The following SLIT2 variants were observed in gnomAD, a reference collection of about 807,000 sequenced individuals.
SLIT2 encodes slit guidance ligand 2.
A neutral mutation model predicts 185.7 loss-of-function variants in SLIT2; 41 were observed. That is an observed-to-expected ratio of 0.22 (90% CI 0.17 to 0.29). SLIT2 has a LOEUF of 0.29. Among genes scored for constraint, SLIT2 ranks in the 10% least tolerant of loss-of-function variants. SLIT2 has a pLI of 1.00. For synonymous variants in SLIT2, 693 were observed against 680.2 expected (o/e 1.02, Z -0.29); for missense variants, 1,571 against 1,909.0 (o/e 0.82, Z 3.30).
chr4:20,561,455 G>C (rs1724684962), intron 26 of SLIT2, among the ~76,000 whole-genome samples: 1 of 151,674 alleles, frequency 6.6e-6, no homozygotes, highest in South Asian at 2.1e-4. Context: ...GGGAGCTTTT[G>C]TTCTGTGTCT....
At chr4:20,513,666 A>G (rs1344329737) in intron 11 of SLIT2, among the ~76,000 whole-genome samples, 1 of 152,174 alleles carries the variant, frequency 6.6e-6, no homozygotes, top group Non-Finnish European at 1.5e-5. Flanking sequence ...TATTTATAGT[A>G]TTACATCTAT....
At chr4:20,420,153 A>G (rs1728058228) in intron 4 of SLIT2, among the ~76,000 whole-genome samples, 1 of 152,090 alleles carries the variant, frequency 6.6e-6, no homozygotes, top group Non-Finnish European at 1.5e-5. Flanking sequence ...AACTACCCGA[A>G]CACAACTCCA....
At chr4:20,349,828 G>T (rs1454402880) in intron 4 of SLIT2, among the ~76,000 whole-genome samples, 1 of 152,070 alleles carries the variant, frequency 6.6e-6, no homozygotes, top group Non-Finnish European at 1.5e-5. Context: ...GGATTCCTTT[G>T]GTATCATGGC....
At chr4:20,283,059 A>G (rs1435153989) in intron 4 of SLIT2, among the ~76,000 whole-genome samples, 1 of 152,092 alleles carries the variant, frequency 6.6e-6, no homozygotes, top group Admixed American at 6.6e-5. Context: ...ACTTAGCACC[A>G]CTATTTGCTT....
chr4:20,408,477 G>C (rs1442953136), intron 4 of SLIT2, among the ~76,000 whole-genome samples: 1 of 152,082 alleles, frequency 6.6e-6, no homozygotes, highest in Non-Finnish European at 1.5e-5. Context: ...ACTATGCCCA[G>C]ATCTCAGCCC....
chr4:20,442,972 C>T (rs1331347272), intron 4 of SLIT2, among the ~76,000 whole-genome samples: 1 of 151,960 alleles, frequency 6.6e-6, no homozygotes, highest in Non-Finnish European at 1.5e-5. Flanking sequence ...TTTTTTCCCC[C>T]TTTTGCTAGT....
intron 4 of SLIT2, among the ~76,000 whole-genome samples, chr4:20,323,926 A>T (rs1328574384): frequency 6.6e-6 from 1 of 152,210 alleles, no homozygotes; most frequent in African/African-American, 2.4e-5. Flanking sequence ...ACAATATTTT[A>T]AATTTGGAAG....
At chr4:20,598,463 C>T (rs2148962016) in intron 33 of SLIT2, 68 bp downstream of exon 33, 1 of 1,554,756 alleles carries the variant, frequency 6.4e-7, no homozygotes, top group East Asian at 2.2e-5. Context: ...TCTCCTCTAT[C>T]ATTTTATTAT....
Position 20,524,002 on chromosome 4 carries a change from G to A in SLIT2, c.1275-12G>A, listed in dbSNP as rs1560500135. On this transcript the variant is annotated splice_polypyrimidine_tract_variant and intron_variant, in intron 13 of 36. Coordinates refer to ENST00000504154, the MANE Select transcript of SLIT2 (RefSeq NM_004787.4). The stretch of plus-strand genomic sequence containing the variant: ...AGTCATCTATAAAACTGTTCTGTAT[G>A]TGTTTCCAAAGGCATTTGGCCCAGA... 6.2e-7 allele frequency: 1 copy of A among 1,614,020 alleles called. No homozygotes were observed.
At chr4:20,570,733 A>ATATATG (rs1553842923) in intron 29 of SLIT2, among the ~76,000 whole-genome samples, 4 of 14,298 alleles carry the variant, frequency 2.8e-4, no homozygotes, top group African/African-American at 1.2e-3. Context: ...ATATATATGT[A>ATATATG]TATATATATA....
intron 11 of SLIT2, among the ~76,000 whole-genome samples, chr4:20,514,936 A>G (rs1221922067): frequency 2.6e-5 from 4 of 152,204 alleles, no homozygotes; most frequent in Non-Finnish European, 2.9e-5. Flanking sequence ...CAAGATTTCT[A>G]TAATATTTAG....
chr4:20,385,598 G>A (rs1724872491), intron 4 of SLIT2, among the ~76,000 whole-genome samples: 1 of 152,024 alleles, frequency 6.6e-6, no homozygotes, highest in South Asian at 2.1e-4. Flanking sequence ...TTATTTCATC[G>A]GTGAAATAAA....
chr4:20,478,085 C>A (rs1240193514), intron 5 of SLIT2, among the ~76,000 whole-genome samples: 1 of 152,158 alleles, frequency 6.6e-6, no homozygotes. Context: ...CATATACAGA[C>A]AAATGAAGGT....
At chr4:20,531,650 C>T (rs569921311) in intron 16 of SLIT2, among the ~76,000 whole-genome samples, 57 of 151,494 alleles carry the variant, frequency 3.8e-4, no homozygotes, top group Admixed American at 5.9e-4. Flanking sequence ...GTGAAGCAAA[C>T]GATTAGGGAA....
chr4:20,442,538 AAAAAAG>A (rs1729844946), intron 4 of SLIT2, among the ~76,000 whole-genome samples: 1 of 150,726 alleles, frequency 6.6e-6, no homozygotes, highest in South Asian at 2.1e-4. Flanking sequence ...AAAAAAAAAA[AAAAAAG>A]GGGGGGGAGG....
In SLIT2 at chr4:20,617,496, G is replaced by C; in HGVS notation, c.4194G>C (p.Leu1398Phe). The C allele has an allele frequency of 6.2e-7, 1 of 1,614,128 alleles. No individual in the cohort carries two copies. Among genetic ancestry groups the C allele is most frequent in the Non-Finnish European group, 8.5e-7 (1 of 1,180,004 alleles). The part of the protein sequence containing the change: ...INAFSYSCKC[L>F]EGHGGVLCDE... ...CGTTCTCCTACAGCTGTAAGTGCTT[G>C]GAGGGCCATGGAGGTGTCCTCTGTG... is the stretch of plus-strand genomic sequence containing the variant. The change falls in exon 36 of 37, where the codon TTG (leucine) becomes TTC (phenylalanine). Residue 1398 changes from leucine to phenylalanine, a missense_variant. By Grantham distance (22) the Leu-to-Phe change is conservative. This residue lies in a region of SLIT2 where 223 missense variants were observed against 245.2 expected (regional missense o/e 0.91). Coordinates refer to ENST00000504154, the MANE Select transcript of SLIT2 (RefSeq NM_004787.4).
intron 4 of SLIT2, among the ~76,000 whole-genome samples, chr4:20,415,124 T>C (rs1029638299): frequency 2.0e-5 from 3 of 152,110 alleles, no homozygotes; most frequent in Admixed American, 6.5e-5. Flanking sequence ...AAAAAGTCTT[T>C]ATACTGGCTG....
At chr4:20,531,956 A>G (rs960660259) in intron 16 of SLIT2, 28 bp from the exon 17 acceptor site, 7 of 1,354,670 alleles carry the variant, frequency 5.2e-6, no homozygotes, top group Admixed American at 2.3e-5. Flanking sequence ...TGGTAATAAA[A>G]CTTCTCTATT....
rs1197595004 is a variant in SLIT2 at position 20,619,395 on chromosome 4, A to G, written c.*386A>G. The G allele has an allele frequency of 3.2e-5, 5 of 157,438 alleles. No individual in the cohort carries two copies. In the East Asian group the frequency reaches 5.5e-4, roughly 17 times the overall value. The allele number at this position is 157,438 out of a possible 1,614,324, so 9.8% of individuals were successfully genotyped here. ...AACCTGTGTACCCTCCTTCACATCA[A>G]CCAAGTTCACTAGGACATACCAAGC... On this transcript the variant is annotated 3_prime_UTR_variant, in exon 37 of 37. Transcript: ENST00000504154.
Sources: gnomAD v4.1 joint callset for allele counts (sites outside exome capture counted in the v4.1 genomes callset) on GRCh38, gnomAD v4.1.1 for gene constraint, gnomAD v4.1.1 regional missense constraint, MANE v1.5 for transcripts, NCBI Gene and HGNC (gene_info 2026-07-23, HGNC 2026-07-21) for gene names.